The following SCHIP1 variants were observed in gnomAD, a reference collection of about 807,000 sequenced individuals.
The protein encoded by SCHIP1 is schwannomin-interacting protein 1.
In SCHIP1, 8 loss-of-function variants were observed where a neutral mutation model predicts 29.7. The observed-to-expected ratio is 0.27, with a 90% CI of 0.16 to 0.49. SCHIP1 has a LOEUF of 0.49. Ranked by LOEUF, SCHIP1 falls within the 20% of genes least tolerant of loss-of-function variation. The pLI is 0.99. For missense variants in SCHIP1, 193 were observed against 294.6 expected, an observed-to-expected ratio of 0.66 and a Z score of 2.52; for synonymous variants, 76 against 94.9, an observed-to-expected ratio of 0.80 and a Z score of 1.16.
chr3:159,349,793 T>A, the SCHIP1 span, among the ~76,000 whole-genome samples: 5 of 152,350 alleles, frequency 3.3e-5, no homozygotes, highest in Non-Finnish European at 5.9e-5. Flanking sequence ...ATGTTCCTTA[T>A]GTTTAAATAG....
the SCHIP1 span, among the ~76,000 whole-genome samples, chr3:159,660,303 C>T: frequency 0.028 from 4,186 of 152,174 alleles, 88 homozygotes; most frequent in Non-Finnish European, 0.039. Flanking sequence ...CAAATAAAAG[C>T]CAATAGAGCT....
chr3:159,809,964 A>T, the SCHIP1 span, among the ~76,000 whole-genome samples: 1 of 152,244 alleles, frequency 6.6e-6, no homozygotes, highest in Admixed American at 6.5e-5. Context: ...ACTGAGTTCC[A>T]GCCTGGGTGG....
the SCHIP1 span, among the ~76,000 whole-genome samples, chr3:159,598,101 G>A: frequency 6.6e-6 from 1 of 152,086 alleles, no homozygotes; most frequent in Non-Finnish European, 1.5e-5. Context: ...CCTCCCACAA[G>A]GTCCCTTCCT....
At chr3:159,335,499 C>T in the SCHIP1 span, among the ~76,000 whole-genome samples, 2 of 152,146 alleles carry the variant, frequency 1.3e-5, no homozygotes, top group African/African-American at 4.8e-5. Flanking sequence ...CCACTCCCCC[C>T]CAGTCCACAA....
chr3:159,735,429 C>T, the SCHIP1 span, among the ~76,000 whole-genome samples: 1 of 151,932 alleles, frequency 6.6e-6, no homozygotes, highest in African/African-American at 2.4e-5. Context: ...GGGATTTTAC[C>T]ATGTTGGCCA....
chr3:159,404,278 T>G, the SCHIP1 span, among the ~76,000 whole-genome samples: 1 of 152,124 alleles, frequency 6.6e-6, no homozygotes, highest in Non-Finnish European at 1.5e-5. Flanking sequence ...GGACTTTGTC[T>G]TGCAGCTTAG....
the SCHIP1 span, among the ~76,000 whole-genome samples, chr3:159,398,346 C>T: frequency 6.6e-6 from 1 of 152,262 alleles, no homozygotes; most frequent in African/African-American, 2.4e-5. Context: ...ATCTTGGCTC[C>T]TCCCCCTCGC....
chr3:159,319,560 A>G, the SCHIP1 span, among the ~76,000 whole-genome samples: 1 of 152,162 alleles, frequency 6.6e-6, no homozygotes, highest in Non-Finnish European at 1.5e-5. Flanking sequence ...TGAGAACTGG[A>G]CCAGACAATT....
At chr3:159,551,095 A>G in the SCHIP1 span, among the ~76,000 whole-genome samples, 1 of 152,292 alleles carries the variant, frequency 6.6e-6, no homozygotes, top group South Asian at 2.1e-4. Context: ...GGTGAGTACC[A>G]AATTCTGTAC....
At chr3:159,680,705 T>TATTATATATG in the SCHIP1 span, among the ~76,000 whole-genome samples, 6 of 5,584 alleles carry the variant, frequency 1.1e-3, no homozygotes, top group African/African-American at 2.7e-3. Flanking sequence ...ATAATATATA[T>TATTATATATG]TATATATAAT....
chr3:159,281,403 G>A, the SCHIP1 span, among the ~76,000 whole-genome samples: 6 of 152,028 alleles, frequency 3.9e-5, no homozygotes, highest in African/African-American at 4.8e-5. Flanking sequence ...CCACATATGC[G>A]CCTAAAACAC....
At chr3:159,404,797 G>A in the SCHIP1 span, among the ~76,000 whole-genome samples, 1 of 152,166 alleles carries the variant, frequency 6.6e-6, no homozygotes, top group Admixed American at 6.5e-5. Context: ...AAACATAGGT[G>A]GAAACCAGGC....
chr3:159,463,084 GTC>G, the SCHIP1 span, among the ~76,000 whole-genome samples: 2 of 151,576 alleles, frequency 1.3e-5, no homozygotes, highest in Non-Finnish European at 2.9e-5. Context: ...CATGGGGAAA[GTC>G]TGTAGAATAT....
At chr3:159,550,953 T>A in the SCHIP1 span, among the ~76,000 whole-genome samples, 4 of 152,212 alleles carry the variant, frequency 2.6e-5, no homozygotes, top group Non-Finnish European at 4.4e-5. Context: ...TTTTATTTCA[T>A]AAATTTATTC....
the SCHIP1 span, among the ~76,000 whole-genome samples, chr3:159,312,936 T>G: frequency 6.6e-6 from 1 of 152,354 alleles, no homozygotes; most frequent in East Asian, 1.9e-4. Flanking sequence ...TACCTTTGCT[T>G]TTGCAGATCC....
At chr3:159,389,179 A>G in the SCHIP1 span, among the ~76,000 whole-genome samples, 2 of 152,250 alleles carry the variant, frequency 1.3e-5, no homozygotes, top group African/African-American at 4.8e-5. Flanking sequence ...CATTGAAATT[A>G]GAAAGTATAT....
At chr3:159,357,458 G>A in the SCHIP1 span, among the ~76,000 whole-genome samples, 1 of 152,282 alleles carries the variant, frequency 6.6e-6, no homozygotes, top group South Asian at 2.1e-4. Context: ...TGGAAAATCA[G>A]TGAAGACAGA....
chr3:159,626,366 C>T, the SCHIP1 span, among the ~76,000 whole-genome samples: 2 of 151,086 alleles, frequency 1.3e-5, no homozygotes, highest in Non-Finnish European at 2.9e-5. Flanking sequence ...GGAATGAGGG[C>T]TTGTGGAGTC....
the SCHIP1 span, among the ~76,000 whole-genome samples, chr3:159,448,485 A>G: frequency 3.4e-4 from 52 of 152,246 alleles, 2 homozygotes; most frequent in South Asian, 8.7e-3. Context: ...AAGAAAAAAA[A>G]GTATTGTTCT....
Sources: gnomAD v4.1 joint callset for allele counts (sites outside exome capture counted in the v4.1 genomes callset) on GRCh38, gnomAD v4.1.1 for gene constraint, MANE v1.5 for transcripts, NCBI Gene and HGNC (gene_info 2026-07-23, HGNC 2026-07-21) for gene names.